Variants in G3BP2 observed in about 807,000 individuals in gnomAD.
G3BP2 encodes ras GTPase-activating protein-binding protein 2.
A neutral mutation model predicts 56.7 loss-of-function variants in G3BP2; 11 were observed. That is an observed-to-expected ratio of 0.19 (90% CI 0.12 to 0.32). The LOEUF (loss-of-function observed/expected upper bound fraction) is 0.32. Ranked by LOEUF, G3BP2 falls within the 10% of genes least tolerant of loss-of-function variation. The pLI is 1.00. For missense variants in G3BP2, 340 were observed against 610.9 expected, an observed-to-expected ratio of 0.56 and a Z score of 4.67; for synonymous variants, 165 against 191.6, an observed-to-expected ratio of 0.86 and a Z score of 1.15.
At chr4:75,693,484 G>GA (rs1560416170) in intron 3 of G3BP2, among the ~76,000 whole-genome samples, 1 of 143,200 alleles carries the variant, frequency 7.0e-6, no homozygotes, top group Non-Finnish European at 1.5e-5. Context: ...AGTTTTTTTT[G>GA]TTTTTTTTTT....
chr4:75,678,481 A>G (rs1350895918), intron 3 of G3BP2, among the ~76,000 whole-genome samples: 1 of 152,250 alleles, frequency 6.6e-6, no homozygotes, highest in Non-Finnish European at 1.5e-5. Context: ...AGCAGCCCAA[A>G]TAGACTAAAA....
chr4:75,657,738 A>T lies in G3BP2; in HGVS notation c.178-8T>A, dbSNP rs777996010. ...TACTTTGTGGTGTATATCCTTTATT[A>T]GGGAGGGAGGGAAAAATATAAACTC... On this transcript the variant is annotated splice_region_variant and splice_polypyrimidine_tract_variant and intron_variant, in intron 3 of 11. Coordinates refer to ENST00000359707, the MANE Select transcript of G3BP2 (RefSeq NM_203505.3). The T allele has an allele frequency of 1.3e-6, 2 of 1,568,956 alleles. No homozygotes were observed. The highest frequency in any genetic ancestry group is 1.8e-6 in the Non-Finnish European group (2 of 1,142,824).
intron 3 of G3BP2, among the ~76,000 whole-genome samples, chr4:75,700,699 A>C (rs60209433): frequency 6.7e-6 from 1 of 149,418 alleles, no homozygotes; most frequent in African/African-American, 2.5e-5. Flanking sequence ...GATTACAGGC[A>C]TGAGCCACTG....
chr4:75,666,139 G>C (rs1733016772), intron 1 of G3BP2, among the ~76,000 whole-genome samples: 1 of 152,046 alleles, frequency 6.6e-6, no homozygotes, highest in Non-Finnish European at 1.5e-5. Context: ...GTTGTAACAA[G>C]GTTCAAAAAA....
Position 75,644,490 on chromosome 4 carries a change from T to C in G3BP2, c.*940A>G, listed in dbSNP as rs571319479. ...CAGCACAGCAATTCATACACTATAC[T>C]GTACAAAATTACCAGCAAGACTGGA... On this transcript the variant is annotated 3_prime_UTR_variant, in exon 12 of 12. Coordinates refer to ENST00000359707, the MANE Select transcript of G3BP2 (RefSeq NM_203505.3). 5.9e-5 allele frequency: 9 copies of C among 152,776 alleles called. No homozygotes were observed. Among genetic ancestry groups the C allele is most frequent in the African/African-American group, 4.8e-5 (2 of 41,578 alleles). The allele number at this position is 152,776 out of a possible 1,614,324, so 9.5% of individuals were successfully genotyped here. A position where few individuals can be genotyped will look rare whatever the true frequency, so the allele number is the denominator to read the frequency against.
At chr4:75,695,664 A>T (rs1719073367) in intron 3 of G3BP2, among the ~76,000 whole-genome samples, 2 of 152,090 alleles carry the variant, frequency 1.3e-5, no homozygotes, top group South Asian at 2.1e-4. Flanking sequence ...GCAGTCAAAG[A>T]CGCATACACA....
intron 4 of G3BP2, 112 bp from the exon 5 acceptor site, chr4:75,657,126 A>G (rs1732176435): frequency 1.7e-6 from 1 of 587,608 alleles, no homozygotes; most frequent in South Asian, 2.3e-5. Context: ...TCTTGACTCA[A>G]TATAATTTTC....
intron 3 of G3BP2, among the ~76,000 whole-genome samples, chr4:75,706,597 A>T (rs2149102486): frequency 6.6e-6 from 1 of 151,770 alleles, no homozygotes; most frequent in Non-Finnish European, 1.5e-5. Flanking sequence ...GAATCGCTTG[A>T]ACCTAGGAGG....
At chr4:75,647,194 A>G (rs769342685) in intron 9 of G3BP2, 37 bp from the exon 10 acceptor site, 6 of 1,407,790 alleles carry the variant, frequency 4.3e-6, no homozygotes, top group South Asian at 1.3e-5. Context: ...AAAGTTTACA[A>G]TATCATAAAA....
At chr4:75,671,715 C>T (rs1733502684) in intron 1 of G3BP2, among the ~76,000 whole-genome samples, 1 of 152,066 alleles carries the variant, frequency 6.6e-6, no homozygotes, top group Non-Finnish European at 1.5e-5. Flanking sequence ...AAGATTAAAT[C>T]ATAACATAAA....
At chr4:75,648,046 G>C (rs1367266809) in intron 9 of G3BP2, among the ~76,000 whole-genome samples, 1 of 152,098 alleles carries the variant, frequency 6.6e-6, no homozygotes. Context: ...GCTTGGTTTT[G>C]AACTCTTAAA....
At chr4:75,684,534 GT>G (rs1411051910) in intron 3 of G3BP2, among the ~76,000 whole-genome samples, 1 of 151,886 alleles carries the variant, frequency 6.6e-6, no homozygotes, top group East Asian at 1.9e-4. Flanking sequence ...GAAGTTTTTT[GT>G]TTTTGTTTTT....
intron 3 of G3BP2, among the ~76,000 whole-genome samples, chr4:75,706,083 T>G (rs1719532800): frequency 6.6e-6 from 1 of 152,168 alleles, no homozygotes; most frequent in Non-Finnish European, 1.5e-5. Flanking sequence ...GTTGGTTCTA[T>G]TATTATTTCC....
upstream of G3BP2, among the ~76,000 whole-genome samples, chr4:75,674,503 C>T (rs983577198): frequency 6.6e-6 from 1 of 151,758 alleles, no homozygotes; most frequent in Non-Finnish European, 1.5e-5. Context: ...CTTAAAGATA[C>T]TGTTATATGC....
chr4:75,667,826 T>A (rs138812540), intron 1 of G3BP2, among the ~76,000 whole-genome samples: 2 of 152,134 alleles, frequency 1.3e-5, no homozygotes, highest in African/African-American at 4.8e-5. Flanking sequence ...GAGGCAAAGG[T>A]TGCAGTAAGC....
Position 75,646,231 on chromosome 4 carries a change from A to G in G3BP2, c.1176+107T>C, listed in dbSNP as rs1380820773. 3 of 653,164 alleles carry G rather than the reference A, an allele frequency of 4.6e-6. No homozygotes were observed. The African/African-American group carries it at 5.8e-5, about 13-fold the overall frequency. The allele number at this position is 653,164 out of a possible 1,614,324, so 40.5% of individuals were successfully genotyped here. Reference sequence around the variant, plus strand: ...TTTGCATAAATACCATTTAATAACTATTTTTAGCTTTATTATTAAAAGATT... The same window carrying G: ...TTTGCATAAATACCATTTAATAACTGTTTTTAGCTTTATTATTAAAAGATT... On this transcript the variant is annotated intron_variant, in intron 11 of 11. Transcript: ENST00000359707.
rs2292522 is a variant in G3BP2, at chr4:75,655,438, C to A, written c.546-192G>T. Among the ~76,000 whole-genome samples the A allele has an allele frequency of 2.9e-3, 442 of 152,224 alleles. 3 individuals carry two copies. The East Asian group carries it at 0.04, about 14-fold the overall frequency. The stretch of plus-strand genomic sequence containing the variant: ...TACTCTCAAGTAGCAGTTCTTTAAT[C>A]CCACCATTTCAAAACTGAATTACTA... On this transcript the variant is annotated intron_variant, in intron 6 of 11. Coordinates refer to ENST00000359707, the MANE Select transcript of G3BP2 (RefSeq NM_203505.3).
chr4:75,717,633 A>G (rs1479537332), intron 3 of G3BP2, among the ~76,000 whole-genome samples: 1 of 152,224 alleles, frequency 6.6e-6, no homozygotes. Context: ...GAATCTTGGC[A>G]TCACCCAATG....
At chr4:75,691,488 C>T (rs9994998) in intron 3 of G3BP2, among the ~76,000 whole-genome samples, 46,666 of 152,022 alleles carry the variant, frequency 0.31, 8,659 homozygotes, top group East Asian at 0.76. Context: ...GGATTACAGG[C>T]GTGAGCCACT....
Sources: gnomAD v4.1 joint callset for allele counts (sites outside exome capture counted in the v4.1 genomes callset) on GRCh38, gnomAD v4.1.1 for gene constraint, MANE v1.5 for transcripts, NCBI Gene and HGNC (gene_info 2026-07-23, HGNC 2026-07-21) for gene names.